The following DLGAP1 variants were observed in gnomAD, a reference collection of about 807,000 sequenced individuals.
The protein encoded by DLGAP1 is DLG associated protein 1, also known as disks large-associated protein 1.
Under a neutral mutation model 90.8 loss-of-function variants are expected in DLGAP1, and 11 were observed. That is an observed-to-expected ratio of 0.12 (90% CI 0.08 to 0.20). The LOEUF (loss-of-function observed/expected upper bound fraction) is 0.20, where lower values mean the gene tolerates loss of function less well. Among genes scored for constraint, DLGAP1 ranks in the 10% least tolerant of loss-of-function variants. DLGAP1 has a pLI of 1.00. For synonymous variants in DLGAP1, 558 were observed against 540.7 expected, an observed-to-expected ratio of 1.03 and a Z score of -0.44; for missense variants, 1,050 against 1,333.8, an observed-to-expected ratio of 0.79 and a Z score of 3.31.
At chr18:3,757,003 C>T (rs2063743508) in intron 5 of DLGAP1, among the ~76,000 whole-genome samples, 1 of 152,162 alleles carries the variant, frequency 6.6e-6, no homozygotes, top group Non-Finnish European at 1.5e-5. Context: ...TTATGTCAAA[C>T]ATTTAAAGAG....
intron 7 of DLGAP1, among the ~76,000 whole-genome samples, chr18:3,654,358 C>A (rs1489434231): frequency 6.6e-6 from 1 of 152,084 alleles, no homozygotes; most frequent in African/African-American, 2.4e-5. Flanking sequence ...GGGGTGTAGA[C>A]CAGCCATGAC....
chr18:4,096,401 C>T (rs2143816628), intron 2 of DLGAP1, among the ~76,000 whole-genome samples: 1 of 152,306 alleles, frequency 6.6e-6, no homozygotes, highest in Middle Eastern at 3.4e-3. Context: ...TAGGCTTTGT[C>T]ATGGCCTGTG....
chr18:3,589,385 G>A (rs1244326721), intron 7 of DLGAP1, among the ~76,000 whole-genome samples: 1 of 152,022 alleles, frequency 6.6e-6, no homozygotes, highest in Non-Finnish European at 1.5e-5. Flanking sequence ...CTCCCTTTTT[G>A]TGCCTTTTTA....
intron 4 of DLGAP1, among the ~76,000 whole-genome samples, chr18:3,817,676 T>C (rs2067173276): frequency 6.6e-6 from 1 of 152,168 alleles, no homozygotes; most frequent in Non-Finnish European, 1.5e-5. Flanking sequence ...CTTAGGTAGA[T>C]AGTTTTAGAA....
At chr18:3,835,882 T>C (rs116673954) in intron 4 of DLGAP1, among the ~76,000 whole-genome samples, 1,950 of 152,278 alleles carry the variant, frequency 0.013, 37 homozygotes, top group African/African-American at 0.045. Flanking sequence ...GCCATCGCCA[T>C]CATTCTTTTA....
intron 1 of DLGAP1, among the ~76,000 whole-genome samples, chr18:4,257,973 A>ATGTG (rs10625642): frequency 0.21 from 29,872 of 141,068 alleles, 3,194 homozygotes; most frequent in South Asian, 0.26. Context: ...AGTTATACAT[A>ATGTG]TGTGTGTGTG....
At chr18:3,570,323 G>A (rs2054696958) in intron 8 of DLGAP1, among the ~76,000 whole-genome samples, 1 of 151,000 alleles carries the variant, frequency 6.6e-6, no homozygotes, top group African/African-American at 2.4e-5. Context: ...CTGTTGCCCA[G>A]GTTAGAGTGC....
At chr18:3,770,213 T>G (rs926787901) in intron 5 of DLGAP1, 2 of 152,208 alleles carry the variant, frequency 1.3e-5, no homozygotes, top group African/African-American at 4.8e-5. Flanking sequence ...CAGGCACTAC[T>G]ATGCATAAGG....
chr18:3,676,945 A>G (rs1228891799), intron 7 of DLGAP1, among the ~76,000 whole-genome samples: 1 of 151,810 alleles, frequency 6.6e-6, no homozygotes, highest in Non-Finnish European at 1.5e-5. Context: ...CTTGCCCTTT[A>G]TGGATGCATT....
At chr18:3,801,116 C>T (rs142703654) in intron 5 of DLGAP1, among the ~76,000 whole-genome samples, 5 of 152,166 alleles carry the variant, frequency 3.3e-5, no homozygotes, top group African/African-American at 9.6e-5. Flanking sequence ...CCAGATCTTG[C>T]GTGAACTCAA....
chr18:4,192,190 C>A (rs1325543555), intron 1 of DLGAP1, among the ~76,000 whole-genome samples: 1 of 152,068 alleles, frequency 6.6e-6, no homozygotes. Context: ...TCTCATGATA[C>A]CTCTCCTTTT....
chr18:4,108,586 TATTTATTAGC>T (rs997810666), intron 2 of DLGAP1, among the ~76,000 whole-genome samples: 3 of 121,834 alleles, frequency 2.5e-5, no homozygotes, highest in Admixed American at 7.9e-5. Context: ...TTGAAAATTT[TATTTATTAGC>T]ATTAGCTAAT....
At position 4,117,856 on chromosome 18, in the gene DLGAP1, G is replaced by A. The variant is rs566613457; in HGVS notation, c.-159+33324C>T. Among the ~76,000 whole-genome samples the A allele has an allele frequency of 2.0e-3, 310 of 152,228 alleles. 1 individual carries two copies. Among genetic ancestry groups the A allele is most frequent in the African/African-American group, 7.1e-3 (297 of 41,542 alleles). ...AGTTCAGCCAGCTGTGGTGAAGTTT[G>A]TGCTTAAGCCTCTAGTGCCAGTGAG... On this transcript the variant is annotated intron_variant, in intron 2 of 12. Transcript: ENST00000315677.
intron 1 of DLGAP1, among the ~76,000 whole-genome samples, chr18:4,329,513 A>G (rs2143707371): frequency 6.6e-6 from 1 of 152,064 alleles, no homozygotes; most frequent in African/African-American, 2.4e-5. Flanking sequence ...TTAAGTGGTC[A>G]ATCTACTATA....
chr18:4,197,586 A>G (rs773468593), intron 1 of DLGAP1, among the ~76,000 whole-genome samples: 3 of 152,192 alleles, frequency 2.0e-5, no homozygotes, highest in Non-Finnish European at 4.4e-5. Context: ...AAATTTAAAG[A>G]AGTTCCAAAT....
chr18:3,943,719 T>C (rs184643426), intron 3 of DLGAP1, among the ~76,000 whole-genome samples: 1 of 152,334 alleles, frequency 6.6e-6, no homozygotes, highest in East Asian at 1.9e-4. Flanking sequence ...TCCAAATTCC[T>C]AAGTTGAATT....
At chr18:3,578,873 T>C (rs1439129605) in intron 8 of DLGAP1, among the ~76,000 whole-genome samples, 2 of 152,092 alleles carry the variant, frequency 1.3e-5, no homozygotes, top group Non-Finnish European at 2.9e-5. Flanking sequence ...TACTCAGTAC[T>C]TTGCTATAAT....
At chr18:3,920,289 G>C (rs913506303) in intron 3 of DLGAP1, among the ~76,000 whole-genome samples, 1 of 149,366 alleles carries the variant, frequency 6.7e-6, no homozygotes, top group East Asian at 2.0e-4. Context: ...GTTGCAGTGA[G>C]CCGGGGGTTG....
chr18:3,845,153 AT>A, intron 4 of DLGAP1: 1 of 1,539,586 alleles, frequency 6.5e-7, no homozygotes, highest in Non-Finnish European at 8.9e-7. Flanking sequence ...TAAAAGAAAG[AT>A]GATAGATTAG....
Sources: allele counts gnomAD v4.1 joint callset (sites outside exome capture counted in the v4.1 genomes callset), GRCh38; gene constraint gnomAD v4.1.1; transcripts MANE v1.5; gene names NCBI Gene and HGNC (gene_info 2026-07-23, HGNC 2026-07-21).